The following CA5A variants were observed in gnomAD, a reference collection of about 807,000 sequenced individuals.
The protein encoded by CA5A is carbonic anhydrase 5A, mitochondrial.
Under a neutral mutation model 37.1 loss-of-function variants are expected in CA5A, and 28 were observed. That is an observed-to-expected ratio of 0.75 (90% confidence interval 0.56 to 1.03). The LOEUF (loss-of-function observed/expected upper bound fraction) is 1.03, where lower values mean the gene tolerates loss of function less well. Among genes scored for constraint, CA5A ranks in the 50% least tolerant of loss-of-function variants. The pLI is 0.00. For missense variants in CA5A, 444 were observed against 399.9 expected, an observed-to-expected ratio of 1.11 and a Z score of -0.94; for synonymous variants, 171 against 158.4, an observed-to-expected ratio of 1.08 and a Z score of -0.60.
Position 87,896,874 on chromosome 16 carries a change from A to G in CA5A, c.619-4920T>C, listed in dbSNP as rs879919675. The stretch of plus-strand genomic sequence containing the variant: ...AGGCTCGTCTCAAACTCCTGACCTC[A>G]GGTGATCCGCCCGCCTCAGCCTCCC... On this transcript the variant is annotated intron_variant, in intron 5 of 6. Coordinates refer to ENST00000649794, the MANE Select transcript of CA5A (RefSeq NM_001739.2). 2.2e-3 allele frequency among the ~76,000 whole-genome samples: 339 copies of G among 152,310 alleles called. 5 individuals are homozygous for G. The highest frequency in any genetic ancestry group is 0.02 in the Admixed American group (303 of 15,288).
chr16:87,893,565 T>A (rs2055756447), intron 5 of CA5A: 8 of 641,024 alleles, frequency 1.2e-5, no homozygotes. Context: ...GGCCTAAAGG[T>A]CTGGAGGGTG....
intron 2 of CA5A, among the ~76,000 whole-genome samples, chr16:87,921,379 TC>T (rs2144043680): frequency 6.6e-6 from 1 of 152,324 alleles, no homozygotes; most frequent in Non-Finnish European, 1.5e-5. Context: ...CCTTGATTTC[TC>T]CCCCTCTTGG....
At chr16:87,934,679 G>T (rs770528638) in intron 1 of CA5A, among the ~76,000 whole-genome samples, 1 of 152,138 alleles carries the variant, frequency 6.6e-6, no homozygotes, top group Non-Finnish European at 1.5e-5. Flanking sequence ...AAAAAAGGGG[G>T]GTGGGTGCAG....
intron 2 of CA5A, among the ~76,000 whole-genome samples, chr16:87,919,732 T>C (rs1489034751): frequency 6.6e-6 from 1 of 152,096 alleles, no homozygotes; most frequent in African/African-American, 2.4e-5. Context: ...GACGGCTTAC[T>C]GGAATTCCTC....
intron 5 of CA5A, among the ~76,000 whole-genome samples, chr16:87,899,274 G>C (rs909692258): frequency 6.2e-4 from 93 of 150,612 alleles, no homozygotes; most frequent in African/African-American, 2.2e-3. Context: ...TCCCAAGGCT[G>C]GGCCTTTTAC....
Position 87,888,166 on chromosome 16 carries a change from G to A in CA5A, c.881C>T (p.Ala294Val), listed in dbSNP as rs138332750. The A allele has an allele frequency of 6.7e-5, 108 of 1,613,730 alleles. No individual in the cohort carries two copies. The highest frequency in any genetic ancestry group is 5.6e-4 in the African/African-American group (42 of 74,902). The change falls in exon 7 of 7, where the codon GCG becomes GTG. Residue 294 changes from alanine (A) to valine (V), a missense_variant. Transcript: ENST00000649794. Reference sequence around the variant, plus strand: ...GCCCTCATTAGTGGCCTGGAAGGACGCCCAGACCTTCCGGTTCATCAAGGG... The same window carrying A: ...GCCCTCATTAGTGGCCTGGAAGGACACCCAGACCTTCCGGTTCATCAAGGG... ...LQPLMNRKVW[A>V]SFQATNEGTR...
chr16:87,921,845 C>T (rs1413343445), intron 2 of CA5A, among the ~76,000 whole-genome samples: 1 of 150,400 alleles, frequency 6.6e-6, no homozygotes, highest in Non-Finnish European at 1.5e-5. Context: ...AGGTTGTGTT[C>T]CTTTGTGTGT....
At chr16:87,913,672 T>C (rs2056085936) in intron 2 of CA5A, among the ~76,000 whole-genome samples, 1 of 130,316 alleles carries the variant, frequency 7.7e-6, no homozygotes, top group Non-Finnish European at 1.6e-5. Context: ...TCCTCTCCAA[T>C]ACGAAGAGCC....
chr16:87,897,296 C>A (rs983321884), intron 5 of CA5A, among the ~76,000 whole-genome samples: 1 of 152,266 alleles, frequency 6.6e-6, no homozygotes, highest in Non-Finnish European at 1.5e-5. Context: ...GAGGAGCTTG[C>A]GGCTTGTCCA....
intron 2 of CA5A, among the ~76,000 whole-genome samples, chr16:87,921,159 C>A (rs1027354284): frequency 2.0e-5 from 3 of 152,036 alleles, no homozygotes; most frequent in Middle Eastern, 3.4e-3. Flanking sequence ...GAACTCCTGA[C>A]CTCAAGCAAT....
At chr16:87,922,531 A>G (rs550244358) in intron 2 of CA5A, among the ~76,000 whole-genome samples, 1 of 152,364 alleles carries the variant, frequency 6.6e-6, no homozygotes, top group Non-Finnish European at 1.5e-5. Context: ...AAAGCACTGC[A>G]GGGATGTCCC....
intron 6 of CA5A, among the ~76,000 whole-genome samples, chr16:87,891,387 G>C (rs542174682): frequency 6.6e-6 from 1 of 151,552 alleles, no homozygotes; most frequent in South Asian, 2.1e-4. Flanking sequence ...AGAATCGCTT[G>C]AACCCAGGAG....
intron 5 of CA5A, among the ~76,000 whole-genome samples, chr16:87,895,772 T>A (rs1363784011): frequency 6.6e-6 from 1 of 152,156 alleles, no homozygotes; most frequent in African/African-American, 2.4e-5. Flanking sequence ...GTGGAACATT[T>A]GTGTCTTGTG....
intron 5 of CA5A, among the ~76,000 whole-genome samples, chr16:87,894,389 T>C (rs1004411771): frequency 6.6e-5 from 10 of 152,108 alleles, no homozygotes; most frequent in Non-Finnish European, 1.5e-4. Flanking sequence ...TGCTGGGCCC[T>C]GGCCTTCCAA....
intron 6 of CA5A, among the ~76,000 whole-genome samples, chr16:87,889,002 T>C (rs1483719418): frequency 2.6e-5 from 4 of 151,110 alleles, no homozygotes; most frequent in Non-Finnish European, 5.9e-5. Context: ...TCACCGCAAC[T>C]TCTGCCTCCT....
chr16:87,914,427 G>A (rs886128351), intron 2 of CA5A, among the ~76,000 whole-genome samples: 2 of 152,190 alleles, frequency 1.3e-5, no homozygotes, highest in African/African-American at 2.4e-5. Context: ...CTAGCCACGC[G>A]GCGGGTGCAG....
At chr16:87,914,534 A>G (rs2056102718) in intron 2 of CA5A, among the ~76,000 whole-genome samples, 1 of 151,976 alleles carries the variant, frequency 6.6e-6, no homozygotes, top group Non-Finnish European at 1.5e-5. Flanking sequence ...GAGGAGGAGG[A>G]GGCACAGAGC....
In CA5A at chr16:87,911,090, C is replaced by T. The variant is rs1329708616; in HGVS notation, c.341-6186G>A. Among the ~76,000 whole-genome samples, 1 of 128,364 alleles carries T rather than the reference C, an allele frequency of 7.8e-6. No individual in the cohort carries two copies. The highest frequency in any genetic ancestry group is 3.3e-5 in the African/African-American group (1 of 30,192). The allele number at this position is 128,364 out of a possible 152,430, so 84.2% of individuals were successfully genotyped here. The stretch of plus-strand genomic sequence containing the variant: ...AATGACAATACAATGTCAGGGTATT[C>T]TCCTTAATCAAAAAAAAAAAAAAAA... On this transcript the variant is annotated intron_variant, in intron 2 of 6. Transcript: ENST00000649794. This position sits in a 1 kb window ranked among gnomAD's most constrained non-coding sequence, Gnocchi z 4.6.
chr16:87,913,261 G>A (rs8046066), intron 2 of CA5A, among the ~76,000 whole-genome samples: 4,770 of 151,136 alleles, frequency 0.032, 263 homozygotes, highest in African/African-American at 0.11. Context: ...TTACAGGCGT[G>A]AGCCACCACA....
Sources: gnomAD v4.1 joint callset for allele counts (sites outside exome capture counted in the v4.1 genomes callset) on GRCh38, gnomAD v4.1.1 for gene constraint, Gnocchi (gnomAD v3.1) non-coding constraint, MANE v1.5 for transcripts, NCBI Gene and HGNC (gene_info 2026-07-23, HGNC 2026-07-21) for gene names.